The following RIOX2 variants were observed in gnomAD, a reference collection of about 807,000 sequenced individuals.
The protein encoded by RIOX2 is 60S ribosomal protein L27a histidine hydroxylase.
A neutral mutation model predicts 51.2 loss-of-function variants in RIOX2; 43 were observed. The observed-to-expected ratio is 0.84, with a 90% CI of 0.66 to 1.08. The LOEUF is 1.08. Among genes scored for constraint, RIOX2 ranks in the 50% least tolerant of loss-of-function variants. The pLI, the probability that RIOX2 is intolerant of heterozygous loss-of-function variation, is 0.00. For missense variants in RIOX2, 566 were observed against 561.7 expected, an observed-to-expected ratio of 1.01 and a Z score of -0.08; for synonymous variants, 226 against 218.5, an observed-to-expected ratio of 1.03 and a Z score of -0.30.
chr3:97,966,929 A>G (rs148589261), intron 2 of RIOX2, among the ~76,000 whole-genome samples: 137 of 152,362 alleles, frequency 9.0e-4, no homozygotes, highest in African/African-American at 2.9e-3. Context: ...TTGCAGCTCA[A>G]TGATACCCAA....
intron 5 of RIOX2, among the ~76,000 whole-genome samples, chr3:97,952,739 C>T (rs1460902850): frequency 6.6e-6 from 1 of 152,184 alleles, no homozygotes; most frequent in Non-Finnish European, 1.5e-5. Flanking sequence ...TCCAGCCTCT[C>T]TGTAGCCTGG....
At chr3:97,950,098 G>A in intron 6 of RIOX2, 83 bp from the exon 7 acceptor site, 4 of 1,374,276 alleles carry the variant, frequency 2.9e-6, no homozygotes, top group Non-Finnish European at 4.1e-6. Flanking sequence ...CTGCAAAACT[G>A]CCAGCCACCG....
Position 97,950,835 on chromosome 3 carries a change from G to T in RIOX2, c.839C>A (p.Ala280Glu). 2 of 1,613,610 alleles carry T rather than the reference G, an allele frequency of 1.2e-6. No individual in the cohort carries two copies. The highest frequency in any genetic ancestry group is 1.7e-6 in the Non-Finnish European group (2 of 1,179,776). ...GGTCCGTAACTCCACGTCTTCCTTT[G>T]CAGTATCAAATACAAGCCCCGAGAT... ...DTISGLVFDT[A>E]KEDVELRTGI... is the part of the protein sequence containing the mutation. The change falls in exon 6 of 10, where the codon GCA becomes GAA. Residue 280 changes from alanine (A) to glutamate (E), a missense_variant. Ala to Glu is a moderately radical substitution (Grantham distance 107, BLOSUM62 -1). Coordinates refer to ENST00000394198, the MANE Select transcript of RIOX2 (RefSeq NM_153182.4).
At position 97,961,620 on chromosome 3, in the gene RIOX2, T is replaced by A. The variant is rs1380352024; in HGVS notation, c.521A>T (p.Gln174Leu). ...ATCATCATAATGGGGCGGCAGGCCC[T>A]GAGATCCTGCGGGAGTTATGTACAC... is the stretch of plus-strand genomic sequence containing the variant. ...SNVYITPAGS[Q>L]GLPPHYDDVE... Residue 174 changes from glutamine (Q) to leucine (L), a missense_variant, in exon 3 of 10, where the codon CAG becomes CTG. Transcript: ENST00000394198. The A allele has an allele frequency of 6.2e-7, 1 of 1,609,276 alleles. No homozygotes were observed. Among genetic ancestry groups the A allele is most frequent in the East Asian group, 2.2e-5 (1 of 44,770 alleles).
intron 1 of RIOX2, among the ~76,000 whole-genome samples, chr3:97,970,011 A>G (rs577729334): frequency 6.6e-6 from 1 of 152,360 alleles, no homozygotes; most frequent in Non-Finnish European, 1.5e-5. Flanking sequence ...GAGTCATTTT[A>G]TATTCAGCCA....
intron 2 of RIOX2, among the ~76,000 whole-genome samples, chr3:97,966,569 C>T (rs1465093259): frequency 6.6e-6 from 1 of 152,234 alleles, no homozygotes; most frequent in Non-Finnish European, 1.5e-5. Flanking sequence ...CAATCCTCTG[C>T]ATTTGCAAAG....
chr3:97,943,251 T>A lies in RIOX2; in HGVS notation c.*1933A>T, dbSNP rs1457759808. On this transcript the variant is annotated 3_prime_UTR_variant, in exon 10 of 10. Transcript: ENST00000394198. ...GAGGAAATTATTGTGACAAGACTCA[T>A]GTAATTGTAAATCAGCCCCTGGAGG... 6.3e-6 allele frequency: 10 copies of A among 1,587,632 alleles called. No homozygotes were observed. The East Asian group carries it at 2.2e-4, about 36-fold the overall frequency.
At position 97,942,985 on chromosome 3, in the gene RIOX2, G is replaced by C; in HGVS notation, c.*2199C>G. The C allele has an allele frequency of 2.3e-6, 1 of 437,886 alleles. No individual in the cohort carries two copies. Among genetic ancestry groups the C allele is most frequent in the Non-Finnish European group, 4.0e-6 (1 of 249,424 alleles). The allele number at this position is 437,886 out of a possible 1,614,324, so 27.1% of individuals were successfully genotyped here. ...CTTTGTTCTAAAGAATCACATTAAG[G>C]CACGCCACTTATACAATCATGTATT... On this transcript the variant is annotated 3_prime_UTR_variant, in exon 10 of 10. Transcript: ENST00000394198.
At chr3:97,954,322 C>T in intron 5 of RIOX2, 70 bp downstream of exon 5, 7 of 1,159,510 alleles carry the variant, frequency 6.0e-6, no homozygotes, top group Non-Finnish European at 9.1e-6. Context: ...TCATATCCCT[C>T]CTGAATGTGG....
At chr3:97,951,840 C>G (rs1705267718) in intron 5 of RIOX2, among the ~76,000 whole-genome samples, 1 of 152,178 alleles carries the variant, frequency 6.6e-6, no homozygotes, top group Non-Finnish European at 1.5e-5. Context: ...AATGTTATAT[C>G]CAACCCTGCA....
intron 4 of RIOX2, among the ~76,000 whole-genome samples, chr3:97,956,300 G>A (rs1480040522): frequency 6.6e-5 from 10 of 152,112 alleles, no homozygotes; most frequent in Admixed American, 6.5e-4. Flanking sequence ...CTCCTGGCTG[G>A]AAAACGTAAG....
In RIOX2 at chr3:97,942,562, A is replaced by G. The variant is rs2040255636; in HGVS notation, c.*2622T>C. 1.0e-6 allele frequency: 1 copy of G among 970,140 alleles called. No homozygotes were observed. The allele number at this position is 970,140 out of a possible 1,614,324, so 60.1% of individuals were successfully genotyped here. Reference sequence around the variant, plus strand: ...GAGAAATGTTAAGTCATTTAAAATTATGCTTGAAGAAAATTAAGATAGGCA... The same window carrying G: ...GAGAAATGTTAAGTCATTTAAAATTGTGCTTGAAGAAAATTAAGATAGGCA... On this transcript the variant is annotated 3_prime_UTR_variant, in exon 10 of 10. Transcript: ENST00000394198.
At chr3:97,950,678 C>A (rs1276708911) in intron 6 of RIOX2, 108 bp downstream of exon 6, 14 of 834,114 alleles carry the variant, frequency 1.7e-5, no homozygotes, top group Non-Finnish European at 2.6e-5. Context: ...GCACAGTAGA[C>A]AAGCCTGGCT....
Position 97,959,898 on chromosome 3 carries a change from A to G in RIOX2, c.553-719T>C, listed in dbSNP as rs547563161. 7.2e-5 allele frequency among the ~76,000 whole-genome samples: 11 copies of G among 152,320 alleles called. 1 individual carries two copies. In the East Asian group the frequency reaches 1.3e-3, roughly 19 times the overall value. On this transcript the variant is annotated intron_variant, in intron 3 of 9. Coordinates refer to ENST00000394198, the MANE Select transcript of RIOX2 (RefSeq NM_153182.4). ...ATTTGCAGTCAAGAAATGTAAACAA[A>G]CTTAAAGATGCAATATGGAATAGCT...
At chr3:97,952,804 T>A (rs1705298035) in intron 5 of RIOX2, among the ~76,000 whole-genome samples, 1 of 152,146 alleles carries the variant, frequency 6.6e-6, no homozygotes, top group Admixed American at 6.5e-5. Context: ...CTGGCTTTGG[T>A]GACTTTCTGT....
At chr3:97,946,590 A>ATATATATATATATC (rs1173018124) in intron 8 of RIOX2, among the ~76,000 whole-genome samples, 6 of 123,804 alleles carry the variant, frequency 4.8e-5, no homozygotes, top group Admixed American at 8.2e-5. Context: ...GAGGATGTAT[A>ATATATATATATATC]TATATATATA....
At chr3:97,960,354 C>T (rs1233669653) in intron 3 of RIOX2, among the ~76,000 whole-genome samples, 6 of 152,172 alleles carry the variant, frequency 3.9e-5, no homozygotes, top group Admixed American at 1.3e-4. Context: ...AAATACTTTT[C>T]CCTTTCTTAT....
chr3:97,947,518 C>T (rs970477532), intron 7 of RIOX2, 69 bp from the exon 8 acceptor site: 6 of 1,162,212 alleles, frequency 5.2e-6, no homozygotes, highest in Non-Finnish European at 6.5e-6. Context: ...CTTGCTTATA[C>T]ATACACATAG....
chr3:97,964,147 G>A lies in RIOX2; in HGVS notation c.433-2439C>T, dbSNP rs1452904520. Among the ~76,000 whole-genome samples the A allele has an allele frequency of 3.3e-5, 5 of 152,236 alleles. No individual in the cohort carries two copies. In the South Asian group the frequency reaches 6.2e-4, roughly 19 times the overall value. The stretch of plus-strand genomic sequence containing the variant: ...GGGAGAAGGTGGAAGTCTCTCTCCC[G>A]GCTGGCTGTGACCTCCTCTCTCCAC... On this transcript the variant is annotated intron_variant, in intron 2 of 9. Transcript: ENST00000394198.
Sources: allele counts gnomAD v4.1 joint callset (sites outside exome capture counted in the v4.1 genomes callset), GRCh38; gene constraint gnomAD v4.1.1; transcripts MANE v1.5; gene names NCBI Gene and HGNC (gene_info 2026-07-23, HGNC 2026-07-21).